TOX2: variants seen among roughly 807,000 people sequenced by gnomAD.
TOX2 encodes granulosa cell HMG box 1.
A neutral mutation model predicts 47.4 loss-of-function variants in TOX2; 15 were observed. That is an observed-to-expected ratio of 0.32 (90% CI 0.21 to 0.49). The LOEUF (loss-of-function observed/expected upper bound fraction) is 0.49. Ranked by LOEUF, TOX2 falls within the 20% of genes least tolerant of loss-of-function variation. TOX2 has a pLI of 0.99. For synonymous variants in TOX2, 290 were observed against 296.6 expected (o/e 0.98, Z 0.23); for missense variants, 622 against 673.1 (o/e 0.92, Z 0.84).
At chr20:44,004,221 C>T (rs751281596) in intron 2 of TOX2, among the ~76,000 whole-genome samples, 14 of 152,142 alleles carry the variant, frequency 9.2e-5, no homozygotes, top group East Asian at 5.8e-4. Context: ...GATCAACAAA[C>T]GAGAACATTG....
Position 44,051,955 on chromosome 20 carries a change from G to A in TOX2, c.651+410G>A, listed in dbSNP as rs1287967978. Among the ~76,000 whole-genome samples the A allele has an allele frequency of 2.6e-5, 4 of 152,212 alleles. No individual in the cohort carries two copies. In the East Asian group the frequency reaches 5.8e-4, roughly 22 times the overall value. ...TTCCAACAAATGTTGAGGGGATGGG[G>A]TGAGAAGATCCTGTGAAAGTTGGCA... On this transcript the variant is annotated intron_variant, in intron 4 of 8. Coordinates refer to ENST00000341197, the MANE Select transcript of TOX2 (RefSeq NM_001098797.2).
At chr20:44,018,180 T>A (rs1436726503) in intron 3 of TOX2, among the ~76,000 whole-genome samples, 1 of 152,160 alleles carries the variant, frequency 6.6e-6, no homozygotes, top group Non-Finnish European at 1.5e-5. Flanking sequence ...TCAGACCTGA[T>A]CACCACCCCT....
intron 3 of TOX2, among the ~76,000 whole-genome samples, chr20:44,045,290 T>A (rs2071395582): frequency 6.6e-6 from 1 of 152,210 alleles, no homozygotes. Flanking sequence ...ACAATTTAAA[T>A]TTTTAATGAT....
intron 2 of TOX2, among the ~76,000 whole-genome samples, chr20:43,986,638 A>T (rs148846145): frequency 1.3e-5 from 2 of 152,318 alleles, no homozygotes; most frequent in East Asian, 3.9e-4. Context: ...TAAAAGACTA[A>T]GTTGAGAAGG....
intron 3 of TOX2, among the ~76,000 whole-genome samples, chr20:44,041,352 G>C (rs2071328896): frequency 6.6e-6 from 1 of 152,220 alleles, no homozygotes; most frequent in Non-Finnish European, 1.5e-5. Flanking sequence ...AAAGGGGGCG[G>C]GGTCCGGCAC....
intron 1 of TOX2, among the ~76,000 whole-genome samples, chr20:43,960,492 C>T (rs1350161376): frequency 1.3e-5 from 2 of 152,222 alleles, no homozygotes; most frequent in East Asian, 3.9e-4. Flanking sequence ...CAGAGCTCCC[C>T]TTGGGACAGG....
chr20:43,985,098 G>T (rs1034108328), intron 2 of TOX2, among the ~76,000 whole-genome samples: 1 of 152,180 alleles, frequency 6.6e-6, no homozygotes. Context: ...CTTCTGGAGG[G>T]TCAGGATCCT....
Position 44,047,385 on chromosome 20 carries a change from T to G in TOX2, c.412-3921T>G, listed in dbSNP as rs181764425. 1.2e-4 allele frequency among the ~76,000 whole-genome samples: 18 copies of G among 152,292 alleles called. No individual in the cohort carries two copies. The East Asian group carries it at 3.5e-3, about 29-fold the overall frequency. ...AAAGAAAATGTGAAAATAGCTTAAT[T>G]TGAAAACCTATGTAAAAAACAACAT... On this transcript the variant is annotated intron_variant, in intron 3 of 8. Transcript: ENST00000341197.
intron 2 of TOX2, among the ~76,000 whole-genome samples, chr20:43,991,614 C>CGTTATT (rs1369079304): frequency 6.4e-5 from 9 of 141,702 alleles, no homozygotes; most frequent in African/African-American, 2.1e-4. Flanking sequence ...AGGCAATAAT[C>CGTTATT]ATTATTATTA....
intron 3 of TOX2, among the ~76,000 whole-genome samples, chr20:44,013,321 C>T (rs1251736658): frequency 1.3e-5 from 2 of 152,144 alleles, no homozygotes; most frequent in East Asian, 1.9e-4. Flanking sequence ...CTCCAATCTC[C>T]TTTCTCTCTC....
intron 3 of TOX2, among the ~76,000 whole-genome samples, chr20:44,015,355 G>A (rs2070861767): frequency 6.6e-6 from 1 of 152,188 alleles, no homozygotes; most frequent in African/African-American, 2.4e-5. Flanking sequence ...TCCTGCAGGG[G>A]ACCGCTCCGT....
intron 1 of TOX2, among the ~76,000 whole-genome samples, chr20:43,947,466 G>A (rs1037479581): frequency 4.0e-5 from 6 of 151,848 alleles, no homozygotes; most frequent in Non-Finnish European, 7.3e-5. Flanking sequence ...CTCAGCTCAT[G>A]AGGAGGGCGT....
intron 2 of TOX2, among the ~76,000 whole-genome samples, chr20:43,976,801 CACAT>C (rs1187031086): frequency 6.6e-6 from 1 of 150,898 alleles, no homozygotes; most frequent in Non-Finnish European, 1.5e-5. Flanking sequence ...CACACACACA[CACAT>C]ACACACATAC....
At chr20:44,066,217 T>G in intron 7 of TOX2, 110 bp downstream of exon 7, 1 of 1,238,082 alleles carries the variant, frequency 8.1e-7, no homozygotes, top group Non-Finnish European at 1.1e-6. Flanking sequence ...ACCTCAGCCT[T>G]GGCACCTGAC....
intron 1 of TOX2, among the ~76,000 whole-genome samples, chr20:43,937,664 C>T (rs2069344191): frequency 1.3e-5 from 2 of 152,042 alleles, no homozygotes; most frequent in Admixed American, 1.3e-4. Context: ...CCAGCCACAC[C>T]CCAGGTCTCC....
chr20:43,958,504 C>T (rs1288904746), intron 1 of TOX2, among the ~76,000 whole-genome samples: 1 of 152,214 alleles, frequency 6.6e-6, no homozygotes, highest in Non-Finnish European at 1.5e-5. Context: ...TCTCACCTGG[C>T]CTATCTCCAC....
chr20:44,031,971 G>A (rs1297040335), intron 3 of TOX2, among the ~76,000 whole-genome samples: 5 of 152,198 alleles, frequency 3.3e-5, no homozygotes, highest in Non-Finnish European at 5.9e-5. Flanking sequence ...CAGGGGGAGC[G>A]AGATAATAAA....
rs115118763 is a variant in TOX2, at chr20:43,931,930, G to A, written c.99+16940G>A. On this transcript the variant is annotated intron_variant, in intron 1 of 8. Transcript: ENST00000341197. The stretch of plus-strand genomic sequence containing the variant: ...GGTATTTTAGCCCCTATTGGGCAGC[G>A]CAGATACAGACATTTCCATCCCTGC... Among the ~76,000 whole-genome samples the A allele has an allele frequency of 9.0e-3, 1,372 of 152,308 alleles. 25 individuals carry two copies. Among genetic ancestry groups the A allele is most frequent in the African/African-American group, 0.031 (1,290 of 41,556 alleles).
At chr20:43,936,561 G>A (rs574294865) in intron 1 of TOX2, among the ~76,000 whole-genome samples, 1 of 152,148 alleles carries the variant, frequency 6.6e-6, no homozygotes, top group Non-Finnish European at 1.5e-5. Flanking sequence ...AGCCTCCCTC[G>A]TGCAGCTGGC....
Sources: gnomAD v4.1 joint callset for allele counts (sites outside exome capture counted in the v4.1 genomes callset) on GRCh38, gnomAD v4.1.1 for gene constraint, MANE v1.5 for transcripts, NCBI Gene and HGNC (gene_info 2026-07-23, HGNC 2026-07-21) for gene names.